The following SPAG17 variants were observed in gnomAD, a reference collection of about 807,000 sequenced individuals.
SPAG17 encodes the protein sperm-associated antigen 17.
In SPAG17, 169 loss-of-function variants were observed where a neutral mutation model predicts 273.6. That is an observed-to-expected ratio of 0.62 (90% confidence interval 0.55 to 0.70). SPAG17 has a LOEUF of 0.70. SPAG17 is among the 30% of genes least tolerant of loss of function. The pLI, the probability that SPAG17 is intolerant of heterozygous loss-of-function variation, is 0.00. For missense variants in SPAG17, 2,557 were observed against 2,627.8 expected (o/e 0.97, Z 0.59); for synonymous variants, 825 against 873.2 (o/e 0.94, Z 0.97).
intron 3 of SPAG17, among the ~76,000 whole-genome samples, chr1:118,147,128 G>A (rs1208273557): frequency 1.3e-5 from 2 of 152,096 alleles, no homozygotes; most frequent in Non-Finnish European, 2.9e-5. Context: ...TATACATTTT[G>A]TCCTTTTTTC....
chr1:118,042,811 C>T lies in SPAG17; in HGVS notation c.2815-769G>A, dbSNP rs901736055. The stretch of plus-strand genomic sequence containing the variant: ...AATTCTCAAAAATTCTGTAGTGGGG[C>T]CTTTGAGCTCCTATGCCTGGAACTA... On this transcript the variant is annotated intron_variant, in intron 20 of 48. Coordinates refer to ENST00000336338, the MANE Select transcript of SPAG17 (RefSeq NM_206996.4). 4.6e-5 allele frequency among the ~76,000 whole-genome samples: 7 copies of T among 152,146 alleles called. No homozygotes were observed. The East Asian group carries it at 9.6e-4, about 21-fold the overall frequency.
At chr1:118,107,801 T>C (rs1454096483) in intron 4 of SPAG17, among the ~76,000 whole-genome samples, 2 of 152,222 alleles carry the variant, frequency 1.3e-5, no homozygotes, top group Non-Finnish European at 2.9e-5. Context: ...TTGGGGAAGA[T>C]GAGTGAAGAA....
intron 18 of SPAG17, among the ~76,000 whole-genome samples, chr1:118,065,866 C>T (rs766175215): frequency 2.2e-4 from 34 of 151,760 alleles, no homozygotes; most frequent in Non-Finnish European, 3.4e-4. Flanking sequence ...CGAAACATTG[C>T]CTTTAAAATC....
intron 4 of SPAG17, among the ~76,000 whole-genome samples, chr1:118,104,872 T>C (rs1212638554): frequency 6.6e-6 from 1 of 152,144 alleles, no homozygotes; most frequent in South Asian, 2.1e-4. Context: ...GAGCTCTGAG[T>C]TGTTCAGTGG....
intron 46 of SPAG17, 39 bp downstream of exon 46, chr1:117,970,017 G>T: frequency 6.3e-7 from 1 of 1,588,448 alleles, no homozygotes; most frequent in Middle Eastern, 1.7e-4. Context: ...TCACTTGCAT[G>T]CACGCAAGCA....
At chr1:118,042,807 G>T (rs752017765) in intron 20 of SPAG17, among the ~76,000 whole-genome samples, 16 of 152,244 alleles carry the variant, frequency 1.1e-4, no homozygotes, top group Non-Finnish European at 1.6e-4. Context: ...ATTCTGTAGT[G>T]GGGCCTTTGA....
chr1:118,155,796 GA>G (rs1659618507), intron 1 of SPAG17, among the ~76,000 whole-genome samples: 2 of 152,210 alleles, frequency 1.3e-5, no homozygotes, highest in South Asian at 4.1e-4. Flanking sequence ...TTGTTAAGCA[GA>G]TTTACTGCAA....
At chr1:118,174,558 T>C (rs1660590633) in intron 1 of SPAG17, among the ~76,000 whole-genome samples, 1 of 152,134 alleles carries the variant, frequency 6.6e-6, no homozygotes, top group African/African-American at 2.4e-5. Flanking sequence ...GGTAGAGAGA[T>C]TACTTTTATT....
chr1:118,090,921 G>A (rs538279160), intron 10 of SPAG17, among the ~76,000 whole-genome samples: 1 of 151,768 alleles, frequency 6.6e-6, no homozygotes, highest in African/African-American at 2.4e-5. Context: ...TAAATAAATA[G>A]ATGAAGAAAT....
At chr1:118,168,692 A>G (rs1279392902) in intron 1 of SPAG17, among the ~76,000 whole-genome samples, 1 of 152,216 alleles carries the variant, frequency 6.6e-6, no homozygotes, top group African/African-American at 2.4e-5. Context: ...GATGACACTT[A>G]AATTCTTGGG....
chr1:117,959,438 G>A (rs767363340), intron 48 of SPAG17: 69 of 1,609,370 alleles, frequency 4.3e-5, no homozygotes, highest in South Asian at 1.0e-4. Flanking sequence ...TGATTCTAAC[G>A]TTGACTTAGA....
intron 4 of SPAG17, among the ~76,000 whole-genome samples, chr1:118,106,101 AC>A (rs1417591438): frequency 2.6e-5 from 4 of 152,194 alleles, no homozygotes. Flanking sequence ...CAATTTGTCT[AC>A]AGGGAGAAAA....
intron 25 of SPAG17, among the ~76,000 whole-genome samples, chr1:118,030,497 T>C (rs1379573951): frequency 1.3e-5 from 2 of 152,062 alleles, no homozygotes; most frequent in African/African-American, 2.4e-5. Flanking sequence ...ATATGTACCA[T>C]GGTGGCATGG....
intron 1 of SPAG17, 103 bp downstream of exon 1, chr1:118,184,968 A>C (rs773983511): frequency 3.2e-5 from 30 of 947,474 alleles, no homozygotes; most frequent in Middle Eastern, 5.6e-4. Context: ...GGCCACGGAG[A>C]GATACGGAAG....
chr1:118,040,882 T>C, intron 21 of SPAG17, 41 bp from the exon 22 acceptor site: 1 of 1,335,948 alleles, frequency 7.5e-7, no homozygotes, highest in East Asian at 2.3e-5. Context: ...GAAGCTGCAA[T>C]AGACAAAAAA....
chr1:117,978,303 C>G (rs1655355923), intron 43 of SPAG17, among the ~76,000 whole-genome samples: 1 of 152,194 alleles, frequency 6.6e-6, no homozygotes, highest in Admixed American at 6.5e-5. Context: ...AACCTGCCTG[C>G]AAATGTATCC....
At chr1:117,959,279 T>C (rs1313725519) in intron 48 of SPAG17, 17 of 1,605,724 alleles carry the variant, frequency 1.1e-5, no homozygotes, top group Non-Finnish European at 1.4e-5. Context: ...ATATTTCTTG[T>C]ATTGCACTCC....
Position 117,997,566 on chromosome 1 carries a change from T to TAA in SPAG17, c.4777-825_4777-824dup, listed in dbSNP as rs11428560. On this transcript the variant is annotated intron_variant, in intron 32 of 48. Coordinates refer to ENST00000336338, the MANE Select transcript of SPAG17 (RefSeq NM_206996.4). ...CAAAATTTCACTGTTGAATGAGAAG[T>TAA]AAAAAAAAAAAAAAAAAGAAAAGAA... 5.2e-3 allele frequency among the ~76,000 whole-genome samples: 640 copies of TAA among 123,354 alleles called. 6 individuals are homozygous for TAA. The highest frequency in any genetic ancestry group is 0.013 in the African/African-American group (430 of 34,010). The allele number at this position is 123,354 out of a possible 152,430, so 80.9% of individuals were successfully genotyped here. A position where few individuals can be genotyped will look rare whatever the true frequency, so the allele number is the denominator to read the frequency against.
At chr1:118,032,595 T>A (rs570223371) in intron 24 of SPAG17, among the ~76,000 whole-genome samples, 4 of 151,868 alleles carry the variant, frequency 2.6e-5, no homozygotes, top group South Asian at 4.2e-4. Flanking sequence ...TATTTTTATT[T>A]ATTATTATTA....
Sources: gnomAD v4.1 joint callset for allele counts (sites outside exome capture counted in the v4.1 genomes callset) on GRCh38, gnomAD v4.1.1 for gene constraint, MANE v1.5 for transcripts, NCBI Gene and HGNC (gene_info 2026-07-23, HGNC 2026-07-21) for gene names.